SEPTIN14: variants seen among roughly 807,000 people sequenced by gnomAD.
SEPTIN14 encodes septin 14.
SEPTIN14 carries 40 observed loss-of-function variants against 53.6 expected under a neutral mutation model. The observed-to-expected ratio is 0.75, with a 90% CI of 0.58 to 0.97. SEPTIN14 has a LOEUF of 0.97. SEPTIN14 is among the 50% of genes least tolerant of loss of function. SEPTIN14 has a pLI of 0.00. For synonymous variants in SEPTIN14, 138 were observed against 166.8 expected (o/e 0.83, Z 1.33); for missense variants, 471 against 508.2 (o/e 0.93, Z 0.70).
At chr7:55,839,901 T>G (rs1789277921) in intron 5 of SEPTIN14, among the ~76,000 whole-genome samples, 1 of 152,026 alleles carries the variant, frequency 6.6e-6, no homozygotes, top group Non-Finnish European at 1.5e-5. Flanking sequence ...TCCCAGCACT[T>G]TGGGAGGCCG....
At chr7:55,820,738 G>A (rs1188235200) in intron 6 of SEPTIN14, among the ~76,000 whole-genome samples, 7 of 152,058 alleles carry the variant, frequency 4.6e-5, no homozygotes, top group African/African-American at 1.4e-4. Context: ...TCAGGAGTTC[G>A]AGACCAGCCT....
At chr7:55,826,414 G>A (rs1053167872) in intron 6 of SEPTIN14, among the ~76,000 whole-genome samples, 7 of 152,294 alleles carry the variant, frequency 4.6e-5, no homozygotes, top group African/African-American at 1.4e-4. Context: ...AAAGAATCTT[G>A]CAGATCAAGA....
intron 9 of SEPTIN14, among the ~76,000 whole-genome samples, chr7:55,803,258 A>G (rs1788553375): frequency 6.6e-6 from 1 of 152,192 alleles, no homozygotes; most frequent in South Asian, 2.1e-4. Flanking sequence ...ATTTTTTAAA[A>G]GAAGACATAA....
At chr7:55,811,650 C>T (rs1379910899) in intron 7 of SEPTIN14, among the ~76,000 whole-genome samples, 3 of 150,694 alleles carry the variant, frequency 2.0e-5, no homozygotes, top group Non-Finnish European at 4.4e-5. Context: ...TATAGGCATG[C>T]ACCACCACGC....
At chr7:55,849,867 G>T (rs1162449539) in intron 2 of SEPTIN14, among the ~76,000 whole-genome samples, 2 of 152,072 alleles carry the variant, frequency 1.3e-5, no homozygotes, top group Non-Finnish European at 2.9e-5. Flanking sequence ...ACACATTGAT[G>T]AACACATTTT....
intron 2 of SEPTIN14, among the ~76,000 whole-genome samples, chr7:55,858,024 A>G (rs1438641716): frequency 6.6e-6 from 1 of 152,240 alleles, no homozygotes; most frequent in Admixed American, 6.5e-5. Flanking sequence ...CAGAACTGGG[A>G]CATGCAACAG....
At chr7:55,856,907 T>C (rs571576123) in intron 2 of SEPTIN14, among the ~76,000 whole-genome samples, 1 of 151,654 alleles carries the variant, frequency 6.6e-6, no homozygotes, top group Admixed American at 6.6e-5. Flanking sequence ...ACCCCATCCC[T>C]ACTAAAATTA....
chr7:55,853,065 AAG>A (rs1382300120), intron 2 of SEPTIN14, among the ~76,000 whole-genome samples: 1 of 152,232 alleles, frequency 6.6e-6, no homozygotes, highest in Non-Finnish European at 1.5e-5. Context: ...TGTGGAAAAA[AAG>A]AGAACCCTCT....
At chr7:55,859,312 T>G (rs1210140185) in intron 2 of SEPTIN14, among the ~76,000 whole-genome samples, 3 of 152,230 alleles carry the variant, frequency 2.0e-5, no homozygotes, top group African/African-American at 7.2e-5. Context: ...ATCATTCTTT[T>G]GCATATAGAA....
intron 6 of SEPTIN14, among the ~76,000 whole-genome samples, chr7:55,824,365 C>G (rs1165156684): frequency 6.6e-6 from 1 of 152,236 alleles, no homozygotes; most frequent in Non-Finnish European, 1.5e-5. Flanking sequence ...ATTCAGATAA[C>G]AAATTAGCAT....
intron 4 of SEPTIN14, among the ~76,000 whole-genome samples, chr7:55,844,305 C>T (rs568150380): frequency 3.2e-4 from 48 of 152,056 alleles, no homozygotes; most frequent in South Asian, 2.3e-3. Flanking sequence ...CTAATAGAAG[C>T]TATATTTAAA....
chr7:55,823,986 A>C (rs530541172), intron 6 of SEPTIN14, among the ~76,000 whole-genome samples: 4 of 151,664 alleles, frequency 2.6e-5, no homozygotes, highest in Non-Finnish European at 5.9e-5. Context: ...TGCCTCAACA[A>C]GGTAAATTCT....
At chr7:55,807,448 A>G (rs1788628199) in intron 7 of SEPTIN14, among the ~76,000 whole-genome samples, 190 bp from the exon 8 acceptor site, 1 of 152,194 alleles carries the variant, frequency 6.6e-6, no homozygotes, top group Non-Finnish European at 1.5e-5. Flanking sequence ...ATAGGCAGAG[A>G]TTATTTATAG....
intron 3 of SEPTIN14, among the ~76,000 whole-genome samples, chr7:55,845,980 C>T (rs148741719): frequency 0.028 from 3,959 of 142,682 alleles, 79 homozygotes; most frequent in Middle Eastern, 0.07. Flanking sequence ...ACCTGGGAGG[C>T]GGAGCTTGCA....
At chr7:55,837,123 T>TGAGA (rs1239306941) in intron 5 of SEPTIN14, among the ~76,000 whole-genome samples, 2 of 148,788 alleles carry the variant, frequency 1.3e-5, no homozygotes, top group African/African-American at 5.0e-5. Context: ...TTTTTTTTTT[T>TGAGA]GAGAGAGAGA....
intron 2 of SEPTIN14, among the ~76,000 whole-genome samples, chr7:55,861,335 TA>T (rs111706246): frequency 6.0e-5 from 9 of 151,014 alleles, no homozygotes; most frequent in Admixed American, 6.6e-5. Flanking sequence ...CTGTTTCTAC[TA>T]AAAAAAAATC....
At chr7:55,801,285 C>A (rs1388839689) in intron 9 of SEPTIN14, among the ~76,000 whole-genome samples, 2 of 151,558 alleles carry the variant, frequency 1.3e-5, no homozygotes, top group Non-Finnish European at 2.9e-5. Context: ...AATAAATGAA[C>A]AACCCTTAGA....
intron 2 of SEPTIN14, among the ~76,000 whole-genome samples, chr7:55,859,818 A>C (rs529738060): frequency 1.3e-5 from 2 of 152,332 alleles, no homozygotes; most frequent in Non-Finnish European, 2.9e-5. Context: ...CCACAGCAAA[A>C]ATATGGAATC....
Position 55,849,406 on chromosome 7 carries a change from T to G in SEPTIN14, c.55-2769A>C, listed in dbSNP as rs537147845. ...ATTAAATAAGCAAAAATTTGCTGCTTTGAAAAGATTGATAAGATTGATAAA... is the reference window on the plus strand; with the variant it reads ...ATTAAATAAGCAAAAATTTGCTGCTGTGAAAAGATTGATAAGATTGATAAA... On this transcript the variant is annotated intron_variant, in intron 2 of 9. Coordinates refer to ENST00000388975, the MANE Select transcript of SEPTIN14 (RefSeq NM_207366.3). Among the ~76,000 whole-genome samples the G allele has an allele frequency of 2.0e-5, 3 of 151,888 alleles. No individual in the cohort carries two copies. In the South Asian group the frequency reaches 6.2e-4, roughly 32 times the overall value.
Sources: allele counts gnomAD v4.1 joint callset (sites outside exome capture counted in the v4.1 genomes callset), GRCh38; gene constraint gnomAD v4.1.1; transcripts MANE v1.5; gene names NCBI Gene and HGNC (gene_info 2026-07-23, HGNC 2026-07-21).